The following LYPD5 variants were observed in gnomAD, a reference collection of about 807,000 sequenced individuals.
LYPD5 encodes the protein ly6/PLAUR domain-containing protein 5.
In LYPD5, 21 loss-of-function variants were observed where a neutral mutation model predicts 19.1. The ratio of observed to expected loss-of-function variants is 1.10; its 90% CI spans 0.78 to 1.58. The LOEUF (loss-of-function observed/expected upper bound fraction) is 1.58. Among genes scored for constraint, LYPD5 ranks in the 40% most tolerant of loss-of-function variants. The pLI, the probability that LYPD5 is intolerant of heterozygous loss-of-function variation, is 0.00. For missense variants in LYPD5, 287 were observed against 329.8 expected (o/e 0.87, Z 1.00); for synonymous variants, 128 against 142.7 (o/e 0.90, Z 0.74).
At chr19:43,797,990 C>A (rs1163490786) in intron 4 of LYPD5, among the ~76,000 whole-genome samples, 161 bp from the exon 5 acceptor site, 1 of 151,526 alleles carries the variant, frequency 6.6e-6, no homozygotes, top group East Asian at 1.9e-4. Context: ...GGCCATGCCT[C>A]TTCCCTCAGA....
upstream of LYPD5, among the ~76,000 whole-genome samples, chr19:43,805,893 G>A (rs1026091689): frequency 8.0e-6 from 1 of 124,956 alleles, no homozygotes; most frequent in South Asian, 2.8e-4. Context: ...TTACAGTTCA[G>A]TAGTATCAAG....
rs1970140200 is a variant in LYPD5, at chr19:43,797,065, C to T, written c.*526G>A. Reference sequence around the variant, plus strand: ...GAATGCTGGAGCTGGGATTTGAACCCATGCAGCTTAGCTCCAGAGCCTGGC... The same window carrying T: ...GAATGCTGGAGCTGGGATTTGAACCTATGCAGCTTAGCTCCAGAGCCTGGC... On this transcript the variant is annotated 3_prime_UTR_variant, in exon 5 of 5. Transcript: ENST00000377950. 1.3e-5 allele frequency: 2 copies of T among 152,174 alleles called. No homozygotes were observed. The highest frequency in any genetic ancestry group is 6.6e-5 in the Admixed American group (1 of 15,262). 9.4% of individuals were successfully genotyped at this position (152,174 alleles called of 1,614,324 possible). A position where few individuals can be genotyped will look rare whatever the true frequency, so the allele number is the denominator to read the frequency against.
chr19:43,798,387 C>T, intron 4 of LYPD5, 68 bp downstream of exon 4: 1 of 1,577,136 alleles, frequency 6.3e-7, no homozygotes, highest in South Asian at 1.1e-5. Flanking sequence ...TGTCTGGTAT[C>T]ACTACCCTCA....
intron 1 of LYPD5, among the ~76,000 whole-genome samples, chr19:43,813,374 G>A (rs1397902216): frequency 6.6e-6 from 1 of 152,180 alleles, no homozygotes; most frequent in East Asian, 1.9e-4. Flanking sequence ...CTTCCACCAT[G>A]ATTGTAAGCT....
intron 1 of LYPD5, among the ~76,000 whole-genome samples, chr19:43,810,872 C>G (rs971739084): frequency 6.6e-6 from 1 of 151,938 alleles, no homozygotes; most frequent in African/African-American, 2.4e-5. Context: ...TTAGGTGATT[C>G]ACCTGCCTCG....
At chr19:43,798,675 G>C in intron 3 of LYPD5, 74 bp from the exon 4 acceptor site, 1 of 1,595,476 alleles carries the variant, frequency 6.3e-7, no homozygotes, top group Non-Finnish European at 8.5e-7. Flanking sequence ...CACTGCGCCA[G>C]AGCCCGCGCC....
rs1970233403 is a variant in LYPD5, at chr19:43,802,298, G to C, written c.64+19C>G. ...GGCCACCTGCCCCTTCTCACTACTG[G>C]ATTCAGAAGTTTGCGTACCTGTCAG... On this transcript the variant is annotated intron_variant, in intron 1 of 4. Transcript: ENST00000377950. 4 of 1,548,990 alleles carry C rather than the reference G, an allele frequency of 2.6e-6. No individual in the cohort carries two copies. The highest frequency in any genetic ancestry group is 3.5e-6 in the Non-Finnish European group (4 of 1,144,944).
chr19:43,798,404 C>T (rs778957888), intron 4 of LYPD5, 51 bp downstream of exon 4: 54 of 1,592,526 alleles, frequency 3.4e-5, no homozygotes, highest in Non-Finnish European at 4.3e-5. Flanking sequence ...CTCATGGCTG[C>T]CCTGCCTCCA....
In LYPD5 at chr19:43,797,579, T is replaced by A; in HGVS notation, c.*12A>T. ...TGTGTGAGCCCTGTCCCCAGCATCC[T>A]GGAGGGGCGGTCTATGCTGAGAGCC... On this transcript the variant is annotated 3_prime_UTR_variant, in exon 5 of 5. Coordinates refer to ENST00000377950, the MANE Select transcript of LYPD5 (RefSeq NM_001031749.3). 6.3e-7 allele frequency: 1 copy of A among 1,575,694 alleles called. No individual in the cohort carries two copies. Among genetic ancestry groups the A allele is most frequent in the Non-Finnish European group, 8.7e-7 (1 of 1,154,420 alleles).
chr19:43,803,504 C>A (rs1298623836), upstream of LYPD5, among the ~76,000 whole-genome samples: 1 of 152,144 alleles, frequency 6.6e-6, no homozygotes, highest in Non-Finnish European at 1.5e-5. Flanking sequence ...TGTGCAGACA[C>A]CCAGAGTCTC....
intron 1 of LYPD5, among the ~76,000 whole-genome samples, chr19:43,800,925 C>T (rs996780944): frequency 6.8e-6 from 1 of 148,052 alleles, no homozygotes; most frequent in Non-Finnish European, 1.5e-5. Context: ...CGCGCCACTG[C>T]ACTCCAGCCT....
chr19:43,818,101 G>C (rs1970388676), intron 1 of LYPD5, among the ~76,000 whole-genome samples: 1 of 152,176 alleles, frequency 6.6e-6, no homozygotes, highest in Non-Finnish European at 1.5e-5. Context: ...ATATGTTAAA[G>C]GATAGAGGAA....
In LYPD5 at chr19:43,802,414, G is replaced by A. The variant is rs543938551; in HGVS notation, c.-34C>T. Reference sequence around the variant, plus strand: ...TGGGCCACCTGGGACAGCTCCTCCCGCTGTGATGTGCTGCCTGGCTGGTTC... The same window carrying A: ...TGGGCCACCTGGGACAGCTCCTCCCACTGTGATGTGCTGCCTGGCTGGTTC... On this transcript the variant is annotated 5_prime_UTR_variant, in exon 1 of 5. Transcript: ENST00000377950. 77 of 1,540,368 alleles carry A rather than the reference G, an allele frequency of 5.0e-5. No individual in the cohort carries two copies. Among genetic ancestry groups the A allele is most frequent in the South Asian group, 3.5e-4 (29 of 83,848 alleles).
At chr19:43,812,221 T>C (rs1288335553) in intron 1 of LYPD5, among the ~76,000 whole-genome samples, 1 of 152,170 alleles carries the variant, frequency 6.6e-6, no homozygotes, top group South Asian at 2.1e-4. Flanking sequence ...TTATGTTTGC[T>C]AATGTCCCAT....
In LYPD5 at chr19:43,813,500, T is replaced by C. The variant is rs183800908; in HGVS notation, c.-66+7040A>G. Among the ~76,000 whole-genome samples, 26 of 152,252 alleles carry C rather than the reference T, an allele frequency of 1.7e-4. No individual in the cohort carries two copies. In the East Asian group the frequency reaches 4.6e-3, roughly 27 times the overall value. On this transcript the variant is annotated intron_variant, in intron 1 of 4. Coordinates refer to the LYPD5 transcript ENST00000414615. Reference sequence around the variant, plus strand: ...TTACCTAGACTCCGGCATTCCCTTATTGCAATGCCAAACAGACTAACACAC... The same window carrying C: ...TTACCTAGACTCCGGCATTCCCTTACTGCAATGCCAAACAGACTAACACAC...
upstream of LYPD5, among the ~76,000 whole-genome samples, chr19:43,805,704 C>T (rs772692029): frequency 3.9e-4 from 60 of 152,144 alleles, no homozygotes; most frequent in Non-Finnish European, 1.6e-4. Context: ...CACAGGGTTT[C>T]ACCATGTTGG....
intron 1 of LYPD5, chr19:43,800,151 A>G (rs1243844494): frequency 8.8e-6 from 2 of 226,736 alleles, no homozygotes; most frequent in Non-Finnish European, 1.8e-5. Context: ...TGCTCTGCCC[A>G]TCCTTCCCCA....
chr19:43,812,385 C>CTATCA (rs377462346), intron 1 of LYPD5, among the ~76,000 whole-genome samples: 1 of 97,852 alleles, frequency 1.0e-5, no homozygotes, highest in Non-Finnish European at 2.4e-5. Context: ...ATCAATCTAT[C>CTATCA]ATCTATCTAT....
intron 1 of LYPD5, among the ~76,000 whole-genome samples, chr19:43,800,551 C>T (rs1251357920): frequency 6.6e-6 from 1 of 152,136 alleles, no homozygotes; most frequent in African/African-American, 2.4e-5. Flanking sequence ...ACCAGATGCA[C>T]AGAAAATCAT....
Sources: gnomAD v4.1 joint callset for allele counts (sites outside exome capture counted in the v4.1 genomes callset) on GRCh38, gnomAD v4.1.1 for gene constraint, MANE v1.5 for transcripts, NCBI Gene and HGNC (gene_info 2026-07-23, HGNC 2026-07-21) for gene names.